TENM1: variants seen among roughly 807,000 people sequenced by gnomAD.
The protein encoded by TENM1 is teneurin-1.
TENM1 carries 35 observed loss-of-function variants against 174.8 expected under a neutral mutation model. The observed-to-expected ratio is 0.20, with a 90% CI of 0.15 to 0.27. The LOEUF (loss-of-function observed/expected upper bound fraction) is 0.27, where lower values mean the gene tolerates loss of function less well. TENM1 is among the 10% of genes least tolerant of loss of function. TENM1 has a pLI of 1.00. For synonymous variants in TENM1, 781 were observed against 798.7 expected (o/e 0.98, Z 0.37); for missense variants, 1,633 against 2,130.1 (o/e 0.77, Z 4.59).
chrX:124,563,290 A>G (rs981549021), intron 13 of TENM1, among the ~76,000 whole-genome samples: 8 of 110,214 alleles, frequency 7.3e-5, no homozygotes, highest in African/African-American at 2.3e-4. Flanking sequence ...CCCTGTAAGG[A>G]CTTAGGAGTC....
At chrX:125,174,964 AATGAG>A in the TENM1 span, among the ~76,000 whole-genome samples, 41 of 111,805 alleles carry the variant, frequency 3.7e-4, no homozygotes, top group African/African-American at 1.3e-3. Context: ...GTGGAAATTA[AATGAG>A]ATAACACTTT....
intron 3 of TENM1, among the ~76,000 whole-genome samples, chrX:124,758,637 C>T (rs896030533): frequency 4.5e-5 from 5 of 111,513 alleles, no homozygotes; most frequent in African/African-American, 1.6e-4. Flanking sequence ...GAAATCTAAA[C>T]GTCCATCAAG....
At chrX:124,565,914 A>G (rs2048931181) in intron 11 of TENM1, among the ~76,000 whole-genome samples, 1 of 112,369 alleles carries the variant, frequency 8.9e-6, no homozygotes, top group Non-Finnish European at 1.9e-5. Flanking sequence ...GAGGTAGTTA[A>G]GTCTCTAAGA....
chrX:125,056,877 G>T, the TENM1 span, among the ~76,000 whole-genome samples: 1 of 111,532 alleles, frequency 9.0e-6, no homozygotes, highest in Non-Finnish European at 1.9e-5. Flanking sequence ...TAACTCTACT[G>T]ATTTTTGATC....
intron 23 of TENM1, among the ~76,000 whole-genome samples, chrX:124,424,177 G>T (rs1206442521): frequency 9.0e-6 from 1 of 111,514 alleles, no homozygotes; most frequent in Non-Finnish European, 1.9e-5. Flanking sequence ...TTGTATGGCT[G>T]CCCTAGCAGA....
chrX:124,833,650 T>C (rs899157596), intron 3 of TENM1, among the ~76,000 whole-genome samples: 2 of 111,459 alleles, frequency 1.8e-5, no homozygotes, highest in African/African-American at 3.3e-5. Context: ...TATAAATAAG[T>C]ACACAAATAA....
chrX:125,202,009 T>C, the TENM1 span, among the ~76,000 whole-genome samples: 2 of 111,486 alleles, frequency 1.8e-5, no homozygotes, highest in Non-Finnish European at 3.8e-5. Flanking sequence ...TGGGTAATCA[T>C]GGAGCAGAAG....
At chrX:124,452,416 G>C (rs868125765) in intron 23 of TENM1, among the ~76,000 whole-genome samples, 1 of 112,174 alleles carries the variant, frequency 8.9e-6, no homozygotes, top group African/African-American at 3.2e-5. Context: ...CTTTTACACC[G>C]TTGGTGGGAC....
intron 3 of TENM1, among the ~76,000 whole-genome samples, chrX:124,802,983 A>G (rs754995773): frequency 2.2e-4 from 25 of 112,138 alleles, no homozygotes; most frequent in Admixed American, 1.0e-3. Flanking sequence ...ATTCAAAGAA[A>G]TATTTTTAAA....
chrX:125,099,658 G>A, the TENM1 span, among the ~76,000 whole-genome samples: 1 of 111,687 alleles, frequency 9.0e-6, no homozygotes, highest in African/African-American at 3.2e-5. Context: ...GATGCATTCT[G>A]TGTGTCTAGA....
intron 3 of TENM1, among the ~76,000 whole-genome samples, chrX:124,867,542 C>T (rs1309763993): frequency 9.0e-6 from 1 of 111,718 alleles, no homozygotes; most frequent in South Asian, 3.7e-4. Context: ...ATACTAAATG[C>T]GGAAAAACTC....
chrX:124,827,336 A>G (rs892601139), intron 3 of TENM1, among the ~76,000 whole-genome samples: 14 of 112,070 alleles, frequency 1.2e-4, no homozygotes, highest in Non-Finnish European at 2.4e-4. Flanking sequence ...GGCATGAGTC[A>G]CTGCGCCCAG....
intron 3 of TENM1, among the ~76,000 whole-genome samples, chrX:124,760,481 G>A (rs900153570): frequency 9.0e-6 from 1 of 111,496 alleles, no homozygotes; most frequent in African/African-American, 3.3e-5. Flanking sequence ...GGAGTGGTGC[G>A]AGAGGGCATC....
the TENM1 span, among the ~76,000 whole-genome samples, chrX:124,968,838 A>G: frequency 2.7e-5 from 3 of 112,099 alleles, no homozygotes; most frequent in African/African-American, 6.5e-5. Context: ...CAAAGGCTTG[A>G]GAAACAGAGT....
intron 3 of TENM1, among the ~76,000 whole-genome samples, chrX:124,791,639 G>A (rs1006756814): frequency 6.3e-5 from 7 of 111,510 alleles, no homozygotes; most frequent in East Asian, 2.8e-4. Flanking sequence ...GATAATAAGT[G>A]CAATTATCAA....
the TENM1 span, among the ~76,000 whole-genome samples, chrX:124,972,726 T>A: frequency 8.9e-6 from 1 of 112,224 alleles, no homozygotes; most frequent in South Asian, 3.7e-4. Flanking sequence ...GGAGATGGGC[T>A]GAGAATTTTA....
intron 3 of TENM1, among the ~76,000 whole-genome samples, chrX:124,829,911 T>A (rs1396378368): frequency 1.8e-5 from 2 of 112,163 alleles, no homozygotes; most frequent in Admixed American, 9.5e-5. Flanking sequence ...TATTTATTCA[T>A]TGTGTGCCTT....
chrX:124,840,432 G>A (rs1304785434), intron 3 of TENM1, among the ~76,000 whole-genome samples: 1 of 111,700 alleles, frequency 9.0e-6, no homozygotes, highest in Non-Finnish European at 1.9e-5. Context: ...TAATAAACAT[G>A]GCAGAAACAT....
intron 4 of TENM1, among the ~76,000 whole-genome samples, chrX:124,722,839 CAAA>C (rs761441453): frequency 1.6e-4 from 4 of 24,753 alleles, no homozygotes; most frequent in Admixed American, 1.3e-3. Context: ...GACTCCGTCT[CAAA>C]AAAAAAAAAA....
Sources: allele counts gnomAD v4.1 joint callset (sites outside exome capture counted in the v4.1 genomes callset), GRCh38; gene constraint gnomAD v4.1.1; transcripts MANE v1.5; gene names NCBI Gene and HGNC (gene_info 2026-07-23, HGNC 2026-07-21).